The following CSN3 variants were observed in gnomAD, a reference collection of about 807,000 sequenced individuals.
CSN3 encodes the protein kappa-casein.
Under a neutral mutation model 9.9 loss-of-function variants are expected in CSN3, and 7 were observed. The ratio of observed to expected loss-of-function variants is 0.71; its 90% CI spans 0.40 to 1.33. The LOEUF (loss-of-function observed/expected upper bound fraction) is 1.33, where lower values mean the gene tolerates loss of function less well. Among genes scored for constraint, CSN3 ranks in the 40% most tolerant of loss-of-function variants. CSN3 has a pLI of 0.01. For synonymous variants in CSN3, 88 were observed against 82.3 expected (o/e 1.07, Z -0.37); for missense variants, 253 against 227.9 (o/e 1.11, Z -0.71).
chr4:70,249,879 A>T (rs1341286690), intron 4 of CSN3, among the ~76,000 whole-genome samples: 1 of 152,216 alleles, frequency 6.6e-6, no homozygotes. Context: ...GTTATATAGA[A>T]TATGAGTTTG....
At chr4:70,238,616 G>A (rs1295052270), upstream of CSN3, among the ~76,000 whole-genome samples, 4 of 151,872 alleles carry the variant, frequency 2.6e-5, no homozygotes, top group African/African-American at 7.2e-5. Context: ...TAAGAAATGA[G>A]TATAGGGCGA....
intron 4 of CSN3, among the ~76,000 whole-genome samples, chr4:70,250,428 T>C (rs1359374822): frequency 6.6e-6 from 1 of 152,170 alleles, no homozygotes; most frequent in Non-Finnish European, 1.5e-5. Context: ...GACCATAGGC[T>C]GGTCATTACT....
At chr4:70,246,698 G>A (rs1578254140) in intron 2 of CSN3, among the ~76,000 whole-genome samples, 1 of 134,126 alleles carries the variant, frequency 7.5e-6, no homozygotes, top group East Asian at 2.4e-4. Context: ...TTGAGACAGA[G>A]TCTCGCTTGG....
In CSN3 at chr4:70,244,765, T is replaced by C. The variant is rs1730341428; in HGVS notation, c.-8-47T>C. 5.1e-6 allele frequency: 6 copies of C among 1,172,042 alleles called. No homozygotes were observed. The African/African-American group carries it at 7.9e-5, about 16-fold the overall frequency. 72.6% of individuals were successfully genotyped at this position (1,172,042 alleles called of 1,614,324 possible). On this transcript the variant is annotated intron_variant, in intron 1 of 4. Transcript: ENST00000304954. ...TGTATTCAAGTCACTCCTAAATTTC[T>C]AGTAACAAATTCTTTTAAATTAATT... is the stretch of plus-strand genomic sequence containing the variant.
chr4:70,247,184 C>A (rs1380292795), intron 2 of CSN3, among the ~76,000 whole-genome samples: 2 of 151,986 alleles, frequency 1.3e-5, no homozygotes, highest in South Asian at 2.1e-4. Context: ...TAATATTATA[C>A]CTCCTTTCAA....
upstream of CSN3, among the ~76,000 whole-genome samples, chr4:70,242,287 T>C (rs1031971172): frequency 2.5e-5 from 2 of 79,584 alleles, 1 homozygote; most frequent in South Asian, 8.6e-4. Flanking sequence ...TTTTTTATTT[T>C]ATTTTATTTT....
At chr4:70,246,675 T>C (rs1471918135) in intron 2 of CSN3, among the ~76,000 whole-genome samples, 1 of 147,924 alleles carries the variant, frequency 6.8e-6, no homozygotes, top group African/African-American at 2.5e-5. Context: ...TTACTTCTTT[T>C]TTTTTTTTTT....
chr4:70,239,354 G>A (rs1463154775), upstream of CSN3, among the ~76,000 whole-genome samples: 3 of 151,876 alleles, frequency 2.0e-5, no homozygotes, highest in Non-Finnish European at 4.4e-5. Flanking sequence ...AGAGATCATC[G>A]TTGATCTGGC....
chr4:70,246,468 T>G (rs1245992571), intron 2 of CSN3, among the ~76,000 whole-genome samples: 1 of 152,034 alleles, frequency 6.6e-6, no homozygotes, highest in African/African-American at 2.4e-5. Context: ...TAATCATTGA[T>G]CACTTAGTTA....
intron 1 of CSN3, chr4:70,243,306 G>T: frequency 4.4e-6 from 1 of 228,984 alleles, no homozygotes; most frequent in South Asian, 1.6e-4. Flanking sequence ...TAAGGGGTCT[G>T]TGATTCATCA....
At chr4:70,249,476 T>C in exon 4 of CSN3, 1 of 1,581,882 alleles carries the variant, frequency 6.3e-7, no homozygotes, top group South Asian at 1.1e-5. Flanking sequence ...CAAGGAAATA[T>C]CAAAGAACAC....
chr4:70,248,570 T>G (rs1195191419), intron 3 of CSN3, among the ~76,000 whole-genome samples: 4 of 152,238 alleles, frequency 2.6e-5, no homozygotes, highest in African/African-American at 9.6e-5. Context: ...TACAAATATG[T>G]GGTGAGAATA....
intron 3 of CSN3, 36 bp from the exon 4 acceptor site, chr4:70,248,959 TATA>T (rs3836687): frequency 0.14 from 195,288 of 1,417,236 alleles, 15,536 homozygotes; most frequent in East Asian, 0.31. Flanking sequence ...CATTTGGGTC[TATA>T]ATAATAATAT....
At chr4:70,240,101 G>C (rs2046110), upstream of CSN3, among the ~76,000 whole-genome samples, 134,242 of 151,860 alleles carry the variant, frequency 0.88, 59,405 homozygotes, top group Middle Eastern at 0.95. Context: ...AAACTACATG[G>C]ATGTAAATAC....
intron 1 of CSN3, chr4:70,243,277 AT>A: frequency 2.3e-5 from 10 of 443,406 alleles, no homozygotes; most frequent in Non-Finnish European, 3.0e-5. Context: ...TTTACATATC[AT>A]TTTACTGTGT....
upstream of CSN3, among the ~76,000 whole-genome samples, chr4:70,240,563 C>T (rs2109691556): frequency 6.6e-6 from 1 of 152,092 alleles, no homozygotes; most frequent in South Asian, 2.1e-4. Context: ...AGTTCTGATC[C>T]TCCTTTTGCT....
In CSN3 at chr4:70,249,064, C is replaced by T. The variant is rs770368585; in HGVS notation, c.154C>T (p.Pro52Ser). Residue 52 changes from proline to serine, a missense_variant, in exon 4 of 5, where the codon CCA (proline) becomes TCA (serine). Coordinates refer to ENST00000304954, the Ensembl canonical transcript of CSN3. Reference sequence around the variant, plus strand: ...TCCATATGTCCCAATGTATTATGTGCCAAATAGCTATCCTTATTATGGAAC... The same window carrying T: ...TCCATATGTCCCAATGTATTATGTGTCAAATAGCTATCCTTATTATGGAAC... The T allele has an allele frequency of 6.2e-7, 1 of 1,613,616 alleles. No homozygotes were observed. The highest frequency in any genetic ancestry group is 8.5e-7 in the Non-Finnish European group (1 of 1,179,818).
upstream of CSN3, among the ~76,000 whole-genome samples, chr4:70,239,992 C>G (rs1411701013): frequency 6.6e-6 from 1 of 151,916 alleles, no homozygotes; most frequent in African/African-American, 2.4e-5. Flanking sequence ...TTTGCAACTA[C>G]TGTTACAAAC....
intron 2 of CSN3, among the ~76,000 whole-genome samples, chr4:70,246,749 G>T (rs1401618357): frequency 6.9e-6 from 1 of 144,740 alleles, no homozygotes; most frequent in African/African-American, 2.5e-5. Flanking sequence ...TTGGCTTACT[G>T]CAACCTCTGC....
Sources: allele counts gnomAD v4.1 joint callset (sites outside exome capture counted in the v4.1 genomes callset), GRCh38; gene constraint gnomAD v4.1.1; transcripts MANE v1.5; gene names NCBI Gene and HGNC (gene_info 2026-07-23, HGNC 2026-07-21).